LCOR: variants seen among roughly 807,000 people sequenced by gnomAD.
The protein encoded by LCOR is ligand dependent nuclear receptor corepressor.
Under a neutral mutation model 64.4 loss-of-function variants are expected in LCOR, and 14 were observed. The observed-to-expected ratio is 0.22, with a 90% CI of 0.14 to 0.34. The LOEUF is 0.34. Among genes scored for constraint, LCOR ranks in the 10% least tolerant of loss-of-function variants. LCOR has a pLI of 1.00. For synonymous variants in LCOR, 643 were observed against 642.5 expected, an observed-to-expected ratio of 1.00 and a Z score of -0.01; for missense variants, 1,686 against 1,765.3, an observed-to-expected ratio of 0.96 and a Z score of 0.80.
In LCOR at chr10:96,990,903, A is replaced by G. The variant is rs1848194610; in HGVS notation, c.*5769A>G. The G allele has an allele frequency of 1.3e-5, 2 of 152,082 alleles. No homozygotes were observed. Among genetic ancestry groups the G allele is most frequent in the South Asian group, 4.1e-4 (2 of 4,820 alleles). 9.4% of individuals were successfully genotyped at this position (152,082 alleles called of 1,614,324 possible). A position where few individuals can be genotyped will look rare whatever the true frequency, so the allele number is the denominator to read the frequency against. ...TGGGACCATCCCACACGGGGTGCTC[A>G]ATATGCATGCCTCATGAAAGCATAG... On this transcript the variant is annotated 3_prime_UTR_variant, in exon 8 of 8. Transcript: ENST00000421806.
At chr10:96,924,862 A>G (rs1847140744) in intron 4 of LCOR, among the ~76,000 whole-genome samples, 2 of 152,104 alleles carry the variant, frequency 1.3e-5, no homozygotes, top group African/African-American at 2.4e-5. Context: ...CAAAGTCAGG[A>G]AAGTTAACCC....
chr10:96,993,770 A>G lies in LCOR; in HGVS notation c.*8636A>G, dbSNP rs1848221004. 6.7e-6 allele frequency: 1 copy of G among 148,742 alleles called. No individual in the cohort carries two copies. Among genetic ancestry groups the G allele is most frequent in the Non-Finnish European group, 1.5e-5 (1 of 67,424 alleles). 9.2% of individuals were successfully genotyped at this position (148,742 alleles called of 1,614,324 possible). ...TATTATATATATATATTATATATAT[A>G]TATATACAGGTGTATGATAAACTGG... On this transcript the variant is annotated 3_prime_UTR_variant, in exon 8 of 8. Coordinates refer to ENST00000421806, the MANE Select transcript of LCOR (RefSeq NM_001346516.2).
chr10:96,958,284 C>G (rs1467581806), intron 7 of LCOR: 1 of 1,399,634 alleles, frequency 7.1e-7, no homozygotes, highest in Non-Finnish European at 9.3e-7. Flanking sequence ...GTTTATTGTT[C>G]AGAGAGGTTT....
At chr10:96,965,745 AG>A (rs1847943128) in intron 7 of LCOR, among the ~76,000 whole-genome samples, 1 of 151,002 alleles carries the variant, frequency 6.6e-6, no homozygotes, top group South Asian at 2.1e-4. Flanking sequence ...AATTTATATT[AG>A]TACTACAGAC....
At chr10:96,951,490 T>C (rs1589678402) in intron 6 of LCOR, among the ~76,000 whole-genome samples, 2 of 152,258 alleles carry the variant, frequency 1.3e-5, no homozygotes, top group South Asian at 4.1e-4. Context: ...AAGTATACAT[T>C]TTTTATAGAT....
intron 7 of LCOR, chr10:96,958,314 T>C: frequency 1.3e-6 from 2 of 1,524,160 alleles, no homozygotes; most frequent in Non-Finnish European, 1.8e-6. Flanking sequence ...TGGTAGTCTA[T>C]ATAAGTGATG....
intron 2 of LCOR, among the ~76,000 whole-genome samples, chr10:96,900,428 C>G (rs1846613530): frequency 6.7e-6 from 1 of 148,240 alleles, no homozygotes; most frequent in African/African-American, 2.5e-5. Context: ...TAGAATAAAC[C>G]CAAAGAAATG....
chr10:96,956,728 G>C (rs1847790024), intron 7 of LCOR: 1 of 985,740 alleles, frequency 1.0e-6, no homozygotes. Context: ...ATCTCATGGA[G>C]GACGAGCTCC....
At chr10:96,901,830 C>T (rs1396703467) in intron 2 of LCOR, among the ~76,000 whole-genome samples, 7 of 152,046 alleles carry the variant, frequency 4.6e-5, no homozygotes, top group African/African-American at 1.4e-4. Flanking sequence ...AGTGCGGTGG[C>T]GCAATCTCGG....
intron 2 of LCOR, among the ~76,000 whole-genome samples, chr10:96,890,792 CTG>C (rs1215421516): frequency 6.6e-6 from 1 of 152,186 alleles, no homozygotes; most frequent in East Asian, 1.9e-4. Flanking sequence ...CCTATGTCAA[CTG>C]AGATGATCAG....
intron 4 of LCOR, among the ~76,000 whole-genome samples, chr10:96,922,924 T>G (rs2134476883): frequency 6.6e-6 from 1 of 152,330 alleles, no homozygotes. Context: ...AGTGTCAAAC[T>G]TTTTGGTTTT....
At chr10:96,923,557 TTAATC>T (rs1847117227) in intron 4 of LCOR, among the ~76,000 whole-genome samples, 1 of 152,178 alleles carries the variant, frequency 6.6e-6, no homozygotes, top group South Asian at 2.1e-4. Context: ...TCCTCCTCCT[TTAATC>T]TTATCACCCA....
chr10:96,972,986 G>A (rs1245146835), intron 7 of LCOR, among the ~76,000 whole-genome samples: 1 of 152,162 alleles, frequency 6.6e-6, no homozygotes, highest in African/African-American at 2.4e-5. Flanking sequence ...CACTGAGGCT[G>A]GGACTTCTAT....
At chr10:96,838,109 C>T (rs1321541051) in intron 2 of LCOR, among the ~76,000 whole-genome samples, 1 of 152,162 alleles carries the variant, frequency 6.6e-6, no homozygotes, top group African/African-American at 2.4e-5. Context: ...AAACCATTAG[C>T]TCATTTTATT....
At chr10:96,858,275 C>G (rs1362004480) in intron 2 of LCOR, among the ~76,000 whole-genome samples, 1 of 152,116 alleles carries the variant, frequency 6.6e-6, no homozygotes, top group East Asian at 1.9e-4. Context: ...AAATGTAATG[C>G]TTTCCTTTTT....
chr10:96,941,033 A>C (rs1290246134), intron 4 of LCOR, among the ~76,000 whole-genome samples: 3 of 85,694 alleles, frequency 3.5e-5, no homozygotes, highest in African/African-American at 5.5e-5. Flanking sequence ...TGACCCCCCC[A>C]CCTCCCTCCC....
In LCOR at chr10:96,985,426, T is replaced by G; in HGVS notation, c.*292T>G. The stretch of plus-strand genomic sequence containing the variant: ...ACAGTGCCTTATTTATCCTTTTTGT[T>G]TTTAAATTTACAAAAGCTAAAAAGC... On this transcript the variant is annotated 3_prime_UTR_variant, in exon 8 of 8. Transcript: ENST00000421806. 1 of 261,438 alleles carries G rather than the reference T, an allele frequency of 3.8e-6. No homozygotes were observed. Among genetic ancestry groups the G allele is most frequent in the Non-Finnish European group, 7.6e-6 (1 of 131,184 alleles). The allele number at this position is 261,438 out of a possible 1,614,324, so 16.2% of individuals were successfully genotyped here. A position where few individuals can be genotyped will look rare whatever the true frequency, so the allele number is the denominator to read the frequency against.
chr10:96,936,969 CTT>C (rs1458481368), intron 4 of LCOR, among the ~76,000 whole-genome samples: 2 of 152,154 alleles, frequency 1.3e-5, no homozygotes, highest in African/African-American at 4.8e-5. Context: ...TATTCTCTCT[CTT>C]TTCTCAAAAT....
chr10:96,837,905 A>G (rs995396071), intron 2 of LCOR, among the ~76,000 whole-genome samples: 6 of 152,198 alleles, frequency 3.9e-5, no homozygotes, highest in Non-Finnish European at 8.8e-5. Flanking sequence ...AAGTCTGTCC[A>G]TCTGTTGTGT....
Sources: gnomAD v4.1 joint callset for allele counts (sites outside exome capture counted in the v4.1 genomes callset) on GRCh38, gnomAD v4.1.1 for gene constraint, MANE v1.5 for transcripts, NCBI Gene and HGNC (gene_info 2026-07-23, HGNC 2026-07-21) for gene names.